The following TBC1D9 variants were observed in gnomAD, a reference collection of about 807,000 sequenced individuals.
TBC1D9 encodes TBC1 domain family member 9.
TBC1D9 carries 63 observed loss-of-function variants against 132.0 expected under a neutral mutation model. The observed-to-expected ratio is 0.48, with a 90% CI of 0.39 to 0.59. The LOEUF (loss-of-function observed/expected upper bound fraction) is 0.59. Among genes scored for constraint, TBC1D9 ranks in the 20% least tolerant of loss-of-function variants. The pLI, the probability that TBC1D9 is intolerant of heterozygous loss-of-function variation, is 0.00. For synonymous variants in TBC1D9, 610 were observed against 609.9 expected (o/e 1.00, Z 0.00); for missense variants, 1,261 against 1,592.7 (o/e 0.79, Z 3.54).
chr4:140,626,251 T>C (rs1449924330), intron 18 of TBC1D9, among the ~76,000 whole-genome samples: 2 of 152,218 alleles, frequency 1.3e-5, no homozygotes, highest in Non-Finnish European at 2.9e-5. Context: ...TTACATTCTC[T>C]TATTAGGTCC....
intron 1 of TBC1D9, among the ~76,000 whole-genome samples, chr4:140,751,507 A>G (rs1361924959): frequency 6.6e-6 from 1 of 152,234 alleles, no homozygotes; most frequent in Non-Finnish European, 1.5e-5. Context: ...GAATGTCTTT[A>G]TAACCACAGA....
chr4:140,714,346 C>G (rs952141895), intron 1 of TBC1D9, among the ~76,000 whole-genome samples: 1 of 152,156 alleles, frequency 6.6e-6, no homozygotes, highest in African/African-American at 2.4e-5. Context: ...AGACATCAAT[C>G]AACACATGTA....
At chr4:140,689,807 G>A (rs893416033) in intron 2 of TBC1D9, among the ~76,000 whole-genome samples, 7 of 140,530 alleles carry the variant, frequency 5.0e-5, no homozygotes, top group African/African-American at 1.6e-4. Flanking sequence ...CAGTACAGTG[G>A]CATGATCTTG....
Position 140,679,138 on chromosome 4 carries a change from C to T in TBC1D9, c.655G>A (p.Asp219Asn). The change falls in exon 5 of 21, where the codon GAT (aspartate) becomes AAT (asparagine). Residue 219 changes from aspartate to asparagine, a missense_variant. Physicochemically the swap from Asp to Asn is conservative, Grantham distance 23 (BLOSUM62 1). Coordinates refer to ENST00000442267, the MANE Select transcript of TBC1D9 (RefSeq NM_015130.3). ...LEKNATLLLP[D>N]VIKVSTRSSE... The stretch of plus-strand genomic sequence containing the variant: ...GACCGTGTGCTCACTTTGATCACAT[C>T]AGGCAGAAGCAGGGTGGCATTCTTC... 1.2e-6 allele frequency: 2 copies of T among 1,613,864 alleles called. No individual in the cohort carries two copies. Among genetic ancestry groups the T allele is most frequent in the South Asian group, 1.1e-5 (1 of 91,074 alleles).
chr4:140,704,311 G>A (rs1738116558), intron 1 of TBC1D9, among the ~76,000 whole-genome samples: 1 of 151,796 alleles, frequency 6.6e-6, no homozygotes, highest in Non-Finnish European at 1.5e-5. Flanking sequence ...TGAGGCAGGA[G>A]AACTGCTTAA....
At chr4:140,712,450 A>ATATATATATATATATATG (rs1738259968) in intron 1 of TBC1D9, among the ~76,000 whole-genome samples, 1 of 40,060 alleles carries the variant, frequency 2.5e-5, no homozygotes, top group African/African-American at 1.0e-4. Context: ...AAAAAAAAGA[A>ATATATATATATATATATG]TATATATATA....
chr4:140,658,738 G>A (rs888625612), intron 11 of TBC1D9, among the ~76,000 whole-genome samples: 1 of 151,772 alleles, frequency 6.6e-6, no homozygotes, highest in Non-Finnish European at 1.5e-5. Context: ...TTGAACCTGG[G>A]AGGCGGAGGT....
chr4:140,641,410 C>G (rs1736991921), intron 13 of TBC1D9, among the ~76,000 whole-genome samples: 1 of 152,208 alleles, frequency 6.6e-6, no homozygotes, highest in African/African-American at 2.4e-5. Context: ...ATCACCTCCA[C>G]TTTTTGTTTT....
At chr4:140,642,810 TCC>T in intron 13 of TBC1D9, 1 of 615,706 alleles carries the variant, frequency 1.6e-6, no homozygotes, top group South Asian at 2.1e-5. Context: ...TTGCAGTTCT[TCC>T]CCCTCTTGCG....
chr4:140,640,695 A>G (rs1736973588), intron 13 of TBC1D9, among the ~76,000 whole-genome samples: 1 of 152,186 alleles, frequency 6.6e-6, no homozygotes, highest in South Asian at 2.1e-4. Context: ...GCATATTTAA[A>G]GGATAAAGAA....
intron 9 of TBC1D9, among the ~76,000 whole-genome samples, chr4:140,662,713 G>A (rs1174711068): frequency 6.6e-6 from 1 of 152,104 alleles, no homozygotes; most frequent in East Asian, 1.9e-4. Flanking sequence ...TTGGGGATGG[G>A]GATGGAGGGT....
chr4:140,657,348 G>A, intron 12 of TBC1D9, 122 bp from the exon 13 acceptor site: 1 of 1,382,588 alleles, frequency 7.2e-7, no homozygotes, highest in Admixed American at 2.4e-5. Context: ...CTTTAAAGAT[G>A]GAAAGAGAGA....
intron 1 of TBC1D9, among the ~76,000 whole-genome samples, chr4:140,708,721 T>C (rs536207356): frequency 6.6e-6 from 1 of 152,254 alleles, no homozygotes; most frequent in Admixed American, 6.5e-5. Context: ...ACATGTGAGC[T>C]AATGTTGGCC....
At chr4:140,691,605 A>G (rs556559386) in intron 2 of TBC1D9, among the ~76,000 whole-genome samples, 17 of 152,348 alleles carry the variant, frequency 1.1e-4, no homozygotes, top group Admixed American at 9.1e-4. Flanking sequence ...ATCAGCTGGA[A>G]TAACAAAGAA....
At chr4:140,658,121 T>C (rs1737300348) in intron 11 of TBC1D9, among the ~76,000 whole-genome samples, 1 of 152,248 alleles carries the variant, frequency 6.6e-6, no homozygotes, top group South Asian at 2.1e-4. Context: ...GTTATTTTGT[T>C]GGCAACATAA....
chr4:140,725,141 C>T (rs1015493544), intron 1 of TBC1D9, among the ~76,000 whole-genome samples: 3 of 151,332 alleles, frequency 2.0e-5, no homozygotes, highest in Non-Finnish European at 2.9e-5. Context: ...TAGTATATGC[C>T]GAAAAATAGA....
At chr4:140,641,111 A>AAAG (rs1736985709) in intron 13 of TBC1D9, among the ~76,000 whole-genome samples, 2 of 149,142 alleles carry the variant, frequency 1.3e-5, no homozygotes, top group Non-Finnish European at 3.0e-5. Flanking sequence ...AAAACAAAAA[A>AAAG]AAACAGAAGC....
intron 10 of TBC1D9, among the ~76,000 whole-genome samples, chr4:140,661,611 C>T (rs1737362523): frequency 6.6e-6 from 1 of 152,198 alleles, no homozygotes; most frequent in Non-Finnish European, 1.5e-5. Context: ...TTCTGCCTCT[C>T]AGACATCTGG....
chr4:140,642,214 T>A, intron 13 of TBC1D9: 1 of 737,730 alleles, frequency 1.4e-6, no homozygotes, highest in Non-Finnish European at 2.5e-6. Flanking sequence ...GGCGGGCCAC[T>A]CTCCTTCAGG....
Sources: gnomAD v4.1 joint callset for allele counts (sites outside exome capture counted in the v4.1 genomes callset) on GRCh38, gnomAD v4.1.1 for gene constraint, MANE v1.5 for transcripts, NCBI Gene and HGNC (gene_info 2026-07-23, HGNC 2026-07-21) for gene names.